The following VPS13C variants were observed in gnomAD, a reference collection of about 807,000 sequenced individuals.
VPS13C encodes the protein intermembrane lipid transfer protein VPS13C.
Under a neutral mutation model 456.8 loss-of-function variants are expected in VPS13C, and 358 were observed. The ratio of observed to expected loss-of-function variants is 0.78; its 90% CI spans 0.72 to 0.86. The LOEUF (loss-of-function observed/expected upper bound fraction) is 0.86. Ranked by LOEUF, VPS13C falls within the 40% of genes least tolerant of loss-of-function variation. The probability of loss-of-function intolerance (pLI) is 0.00; values close to 1 mark genes in which losing one functional copy is unlikely to be tolerated. For missense variants in VPS13C, 4,818 were observed against 4,385.4 expected (o/e 1.10, Z -2.79); for synonymous variants, 1,578 against 1,486.7 (o/e 1.06, Z -1.41).
rs181010300 is a variant in VPS13C, at chr15:62,016,733, T to C, written c.685-2741A>G. Reference sequence around the variant, plus strand: ...TGTGAGTAGTGCTGCAGTAAACACATGTGTACATGTGTCTTTAGAGCAGCA... The same window carrying C: ...TGTGAGTAGTGCTGCAGTAAACACACGTGTACATGTGTCTTTAGAGCAGCA... On this transcript the variant is annotated intron_variant, in intron 9 of 84. Transcript: ENST00000644861. Among the ~76,000 whole-genome samples the C allele has an allele frequency of 4.6e-5, 7 of 151,906 alleles. No individual in the cohort carries two copies. In the East Asian group the frequency reaches 1.2e-3, roughly 25 times the overall value.
intron 58 of VPS13C, 33 bp downstream of exon 58, chr15:61,919,256 C>T (rs769323027): frequency 6.4e-7 from 1 of 1,566,376 alleles, no homozygotes; most frequent in Non-Finnish European, 8.6e-7. Context: ...TCTTGGTACA[C>T]TGAAAGGGAT....
At chr15:61,956,947 C>T (rs2045023176) in intron 37 of VPS13C, among the ~76,000 whole-genome samples, 2 of 152,050 alleles carry the variant, frequency 1.3e-5, no homozygotes, top group South Asian at 4.1e-4. Flanking sequence ...AGTAATTCTA[C>T]TCCTACCTAT....
At chr15:61,969,033 G>T (rs991655432) in intron 28 of VPS13C, among the ~76,000 whole-genome samples, 11 of 152,014 alleles carry the variant, frequency 7.2e-5, no homozygotes, top group African/African-American at 2.7e-4. Flanking sequence ...TTTAATCATG[G>T]TTCAGTCAAT....
chr15:61,981,337 C>A lies in VPS13C; in HGVS notation c.2166+5G>T. The A allele has an allele frequency of 6.2e-7, 1 of 1,603,426 alleles. No homozygotes were observed. The highest frequency in any genetic ancestry group is 8.5e-7 in the Non-Finnish European group (1 of 1,176,540). ...GGGCAGACAAAAAAACGCATATATA[C>A]CTACCTGAAATGTACCAAAATCTAA... On this transcript the variant is annotated splice_donor_5th_base_variant and intron_variant, in intron 22 of 84. Transcript: ENST00000644861.
rs745827252 is a variant in VPS13C at position 61,934,349 on chromosome 15, A to G, written c.5756-18T>C. On this transcript the variant is annotated intron_variant, in intron 48 of 84. Transcript: ENST00000644861. ...TTCTTGTTCTAATGGTGAAAATTTA[A>G]AAGCTTTTAAGTAGGTACGTAATTT... 13 of 1,439,418 alleles carry G rather than the reference A, an allele frequency of 9.0e-6. No homozygotes were observed. Among genetic ancestry groups the G allele is most frequent in the Non-Finnish European group, 1.2e-5 (13 of 1,077,088 alleles). 89.2% of individuals were successfully genotyped at this position (1,439,418 alleles called of 1,614,324 possible).
rs2043673249 is a variant in VPS13C, at chr15:61,922,000, C to A, written c.7009G>T (p.Glu2337Ter). 1.9e-6 allele frequency: 3 copies of A among 1,613,506 alleles called. No individual in the cohort carries two copies. The highest frequency in any genetic ancestry group is 1.3e-5 in the African/African-American group (1 of 74,916). Residue 2337 changes from glutamate to a stop codon, truncating the protein, a stop_gained, in exon 55 of 85, where the codon GAG becomes TAG. Coordinates refer to ENST00000644861, the MANE Select transcript of VPS13C (RefSeq NM_020821.3). LOFTEE classifies it high-confidence loss of function. ...CCCTCCACTCTCTCAATCAGTGGCT[C>A]CCAGACAGCATGGATCTCATTGTAA... Reference protein sequence around the residue: ...HYYNEIHAVWEPLIERVEGKR... With the variant: ...HYYNEIHAVW
chr15:61,942,695 T>A (rs946586454), intron 45 of VPS13C, among the ~76,000 whole-genome samples: 3 of 152,046 alleles, frequency 2.0e-5, no homozygotes, highest in Non-Finnish European at 4.4e-5. Flanking sequence ...CCAATGAGGA[T>A]AAGATCATTC....
intron 82 of VPS13C, among the ~76,000 whole-genome samples, chr15:61,857,981 A>C (rs1270871344): frequency 2.0e-5 from 3 of 152,136 alleles, no homozygotes. Flanking sequence ...AAGTGGCAGT[A>C]GTGTCCTACA....
intron 1 of VPS13C, among the ~76,000 whole-genome samples, chr15:62,046,052 T>C (rs2048390421): frequency 1.3e-5 from 2 of 152,254 alleles, no homozygotes; most frequent in South Asian, 4.1e-4. Context: ...ATAAAGTTCA[T>C]TTTCTGTGTA....
At position 62,041,333 on chromosome 15, in the gene VPS13C, C is replaced by CA; in HGVS notation, c.177dup (p.Gly60TrpfsTer4). 1 of 1,606,686 alleles carries CA rather than the reference C, an allele frequency of 6.2e-7. No individual in the cohort carries two copies. Among genetic ancestry groups the CA allele is most frequent in the African/African-American group, 1.3e-5 (1 of 74,382 alleles). ...AGACTAAAGTACTTACCAATTTGGC[C>CA]AGCCTTGACTTTAAAAGGAACATCC... On this transcript the variant is annotated frameshift_variant, in exon 3 of 85. Transcript: ENST00000644861. LOFTEE classifies it high-confidence loss of function.
At chr15:62,020,338 T>G (rs181877551) in intron 9 of VPS13C, 141 bp downstream of exon 9, 222 of 589,168 alleles carry the variant, frequency 3.8e-4, no homozygotes, top group African/African-American at 3.7e-3. Flanking sequence ...ATGTTAAACT[T>G]CTAGAAAAGT....
At chr15:62,033,563 C>T (rs2047888897) in intron 4 of VPS13C, 21 bp from the exon 5 acceptor site, 2 of 1,489,658 alleles carry the variant, frequency 1.3e-6, no homozygotes, top group Non-Finnish European at 1.8e-6. Flanking sequence ...ACAGTCAATT[C>T]ACACAAAAAT....
chr15:62,037,311 AATATAT>A (rs1389588420), intron 3 of VPS13C, among the ~76,000 whole-genome samples: 7 of 65,274 alleles, frequency 1.1e-4, no homozygotes, highest in East Asian at 5.0e-4. Flanking sequence ...TATATATATA[AATATAT>A]TATATATTAT....
chr15:61,868,617 T>G (rs1052307770), intron 81 of VPS13C, 42 bp downstream of exon 81: 12 of 1,568,880 alleles, frequency 7.6e-6, no homozygotes, highest in Non-Finnish European at 9.6e-6. Context: ...TAGAAATCAT[T>G]AAAATTCCAT....
intron 81 of VPS13C, chr15:61,865,382 C>A: frequency 1.0e-6 from 1 of 982,138 alleles, no homozygotes; most frequent in Non-Finnish European, 1.2e-6. Flanking sequence ...GATGGCAATA[C>A]AAGAATTAAA....
In VPS13C at chr15:61,854,849, G is replaced by A. The variant is rs766029455; in HGVS notation, c.11160+22C>T. The A allele has an allele frequency of 7.6e-6, 12 of 1,585,514 alleles. No homozygotes were observed. The South Asian group carries it at 1.2e-4, about 15-fold the overall frequency. On this transcript the variant is annotated intron_variant, in intron 84 of 84. Transcript: ENST00000644861. ...AGTATTTCAGCTAAAAAAAATTGAG[G>A]CATGCTCTTTAAATTGTTTACCTCT...
At chr15:62,037,138 G>T (rs1280153471) in intron 3 of VPS13C, among the ~76,000 whole-genome samples, 1 of 134,390 alleles carries the variant, frequency 7.4e-6, no homozygotes, top group Non-Finnish European at 1.5e-5. Flanking sequence ...TGAACCATTA[G>T]AAAATCTCCT....
chr15:61,875,072 G>T (rs1323924623), intron 76 of VPS13C, 121 bp from the exon 77 acceptor site: 1 of 842,002 alleles, frequency 1.2e-6, no homozygotes, highest in Non-Finnish European at 1.7e-6. Context: ...ACATTGTGAT[G>T]AATCAATTTT....
Position 62,037,719 on chromosome 15 carries a change from T to C in VPS13C, c.188-2667A>G, listed in dbSNP as rs551160822. On this transcript the variant is annotated intron_variant, in intron 3 of 84. Coordinates refer to ENST00000644861, the MANE Select transcript of VPS13C (RefSeq NM_020821.3). ...AAATATTTCAAAAGTAAAGAATAAA[T>C]GAATGGCTACAACTTCTATATTCTA... Among the ~76,000 whole-genome samples, 66 of 151,592 alleles carry C rather than the reference T, an allele frequency of 4.4e-4. 1 individual carries two copies. Among genetic ancestry groups the C allele is most frequent in the African/African-American group, 1.4e-3 (59 of 41,376 alleles).
Sources: allele counts gnomAD v4.1 joint callset (sites outside exome capture counted in the v4.1 genomes callset), GRCh38; gene constraint gnomAD v4.1.1; transcripts MANE v1.5; gene names NCBI Gene and HGNC (gene_info 2026-07-23, HGNC 2026-07-21).